Variants in PTPRG observed in about 807,000 individuals in gnomAD.
The protein encoded by PTPRG is protein tyrosine phosphatase receptor type G.
A neutral mutation model predicts 165.3 loss-of-function variants in PTPRG; 102 were observed. That is an observed-to-expected ratio of 0.62 (90% CI 0.53 to 0.73). The LOEUF is 0.73. Ranked by LOEUF, PTPRG falls within the 30% of genes least tolerant of loss-of-function variation. PTPRG has a pLI of 0.00. For synonymous variants in PTPRG, 675 were observed against 669.5 expected (o/e 1.01, Z -0.13); for missense variants, 1,866 against 1,861.4 (o/e 1.00, Z -0.05).
intron 16 of PTPRG, among the ~76,000 whole-genome samples, chr3:62,257,146 G>A (rs184924186): frequency 2.2e-4 from 34 of 152,248 alleles, no homozygotes; most frequent in Non-Finnish European, 4.0e-4. Flanking sequence ...AAGCAGCAAC[G>A]TAAAGGGGAG....
At chr3:61,693,696 G>T (rs2030368530) in intron 1 of PTPRG, among the ~76,000 whole-genome samples, 1 of 152,146 alleles carries the variant, frequency 6.6e-6, no homozygotes, top group Admixed American at 6.6e-5. Flanking sequence ...CTTGTGTGTG[G>T]AGAGGAATTA....
At chr3:61,749,414 C>G (rs80137701) in intron 2 of PTPRG, 4,056 of 283,452 alleles carry the variant, frequency 0.014, 163 homozygotes, top group African/African-American at 0.084. Flanking sequence ...AGAAATGCAA[C>G]TTTATTTTTA....
intron 4 of PTPRG, among the ~76,000 whole-genome samples, chr3:62,035,162 T>C (rs1361524440): frequency 6.6e-6 from 1 of 152,202 alleles, no homozygotes; most frequent in Non-Finnish European, 1.5e-5. Context: ...AAAATGGCAC[T>C]GTTTTCAGAC....
chr3:62,199,800 A>G (rs1700056281), intron 10 of PTPRG, among the ~76,000 whole-genome samples: 1 of 152,330 alleles, frequency 6.6e-6, no homozygotes, highest in East Asian at 1.9e-4. Context: ...GTTTTTAAAA[A>G]GTCATGTTGT....
intron 2 of PTPRG, among the ~76,000 whole-genome samples, chr3:61,850,052 A>G (rs893088180): frequency 1.3e-5 from 2 of 152,158 alleles, no homozygotes; most frequent in African/African-American, 2.4e-5. Context: ...CCTTCTTCTC[A>G]AATAAAAGCT....
chr3:61,833,787 AC>A (rs2036379796), intron 2 of PTPRG, among the ~76,000 whole-genome samples: 1 of 151,730 alleles, frequency 6.6e-6, no homozygotes, highest in South Asian at 2.1e-4. Context: ...CTGGTTTCGA[AC>A]TCCTGAGCTA....
intron 5 of PTPRG, among the ~76,000 whole-genome samples, chr3:62,082,695 A>G (rs1701621878): frequency 6.6e-6 from 1 of 152,180 alleles, no homozygotes; most frequent in South Asian, 2.1e-4. Flanking sequence ...TTGGTAACGG[A>G]TAAGAGTTGA....
intron 1 of PTPRG, among the ~76,000 whole-genome samples, chr3:61,645,649 C>G (rs1702180339): frequency 6.6e-6 from 1 of 152,206 alleles, no homozygotes; most frequent in Non-Finnish European, 1.5e-5. Context: ...CAAATTTTTT[C>G]TCTAAAGGGC....
chr3:61,743,537 C>CA (rs2033084576), intron 1 of PTPRG, among the ~76,000 whole-genome samples: 1 of 152,056 alleles, frequency 6.6e-6, no homozygotes, highest in South Asian at 2.1e-4. Context: ...GTTAAAATGT[C>CA]ATTAGAGATG....
chr3:61,887,161 TATATATA>T (rs1559670243), intron 2 of PTPRG, among the ~76,000 whole-genome samples: 2 of 92,742 alleles, frequency 2.2e-5, no homozygotes, highest in East Asian at 5.7e-4. Flanking sequence ...TATATATATA[TATATATA>T]TATTTTTAAT....
intron 8 of PTPRG, among the ~76,000 whole-genome samples, chr3:62,171,001 A>G (rs1440986265): frequency 6.6e-6 from 1 of 152,142 alleles, no homozygotes; most frequent in Non-Finnish European, 1.5e-5. Flanking sequence ...TGTTTAATAA[A>G]TTGCATAAAG....
At chr3:61,564,932 C>T (rs1699870093) in intron 1 of PTPRG, among the ~76,000 whole-genome samples, 1 of 152,232 alleles carries the variant, frequency 6.6e-6, no homozygotes, top group Non-Finnish European at 1.5e-5. Context: ...CTTGGGACCC[C>T]TACTTCTTGC....
intron 1 of PTPRG, among the ~76,000 whole-genome samples, chr3:61,633,072 A>G (rs1240353651): frequency 6.6e-6 from 1 of 152,198 alleles, no homozygotes; most frequent in African/African-American, 2.4e-5. Flanking sequence ...TCACCTCCTT[A>G]GGGAGACTTC....
chr3:62,014,971 A>G (rs1370831852), intron 4 of PTPRG, among the ~76,000 whole-genome samples: 2 of 152,194 alleles, frequency 1.3e-5, no homozygotes, highest in African/African-American at 4.8e-5. Flanking sequence ...GACATATTCT[A>G]GGGCTAACAT....
At chr3:61,565,994 G>T (rs1050965319) in intron 1 of PTPRG, among the ~76,000 whole-genome samples, 3 of 151,902 alleles carry the variant, frequency 2.0e-5, no homozygotes, top group East Asian at 1.9e-4. Context: ...TCTTTACCCA[G>T]TCTCTAAACT....
intron 5 of PTPRG, among the ~76,000 whole-genome samples, chr3:62,090,282 G>A (rs559357697): frequency 3.3e-5 from 5 of 152,214 alleles, no homozygotes; most frequent in African/African-American, 9.6e-5. Context: ...AGGTTTCAGT[G>A]AATTATTTCT....
intron 5 of PTPRG, among the ~76,000 whole-genome samples, chr3:62,113,643 T>G (rs1463369108): frequency 1.3e-5 from 2 of 152,198 alleles, no homozygotes; most frequent in Non-Finnish European, 2.9e-5. Flanking sequence ...GAGGGACTAT[T>G]AAGGAAAAGG....
chr3:62,122,672 G>A (rs554412232), intron 5 of PTPRG, among the ~76,000 whole-genome samples: 41 of 152,282 alleles, frequency 2.7e-4, no homozygotes, highest in African/African-American at 9.4e-4. Flanking sequence ...CTATATCCCA[G>A]AATTGATTAT....
chr3:61,836,965 C>T (rs975428385), intron 2 of PTPRG, among the ~76,000 whole-genome samples: 1 of 151,990 alleles, frequency 6.6e-6, no homozygotes, highest in African/African-American at 2.4e-5. Context: ...GGCTGGAGTG[C>T]AATGGCACAA....
Sources: gnomAD v4.1 joint callset for allele counts (sites outside exome capture counted in the v4.1 genomes callset) on GRCh38, gnomAD v4.1.1 for gene constraint, MANE v1.5 for transcripts, NCBI Gene and HGNC (gene_info 2026-07-23, HGNC 2026-07-21) for gene names.